Variants in TM7SF3 observed in about 807,000 individuals in gnomAD.
The protein encoded by TM7SF3 is seven span transmembrane protein.
A neutral mutation model predicts 65.5 loss-of-function variants in TM7SF3; 60 were observed. The ratio of observed to expected loss-of-function variants is 0.92; its 90% CI spans 0.74 to 1.14. The LOEUF is 1.14. Among genes scored for constraint, TM7SF3 ranks in the 50% most tolerant of loss-of-function variants. The pLI is 0.00. For missense variants in TM7SF3, 623 were observed against 684.8 expected (o/e 0.91, Z 1.01); for synonymous variants, 264 against 259.6 (o/e 1.02, Z -0.16).
Position 27,014,373 on chromosome 12 carries a change from C to A in TM7SF3, c.-205G>T, listed in dbSNP as rs757995721. On this transcript the variant is annotated 5_prime_UTR_variant, in exon 1 of 12. Coordinates refer to ENST00000343028, the MANE Select transcript of TM7SF3 (RefSeq NM_016551.3). ...TCCTAGCCCCAGCGAGAGGTTTCCTCTTCCGGCACCTGACCCCCAACGCGC... is the reference window on the plus strand; with the variant it reads ...TCCTAGCCCCAGCGAGAGGTTTCCTATTCCGGCACCTGACCCCCAACGCGC... 1.2e-5 allele frequency: 4 copies of A among 340,498 alleles called. No individual in the cohort carries two copies. Among genetic ancestry groups the A allele is most frequent in the African/African-American group, 4.3e-5 (2 of 46,264 alleles). 21.1% of individuals were successfully genotyped at this position (340,498 alleles called of 1,614,324 possible).
rs748392718 is a variant in TM7SF3, at chr12:26,979,881, A to G, written c.1092T>C (p.Ala364=). The change falls in exon 9 of 12, where the codon GCT becomes GCC. Residue 364 remains alanine, a synonymous_variant. Coordinates refer to ENST00000343028, the MANE Select transcript of TM7SF3 (RefSeq NM_016551.3). ...TGSVGGMFLV[A]VWWRFGILSI... is the part of the protein sequence containing the mutation. The stretch of plus-strand genomic sequence containing the variant: ...AGAGGATTCCAAATCGCCACCACAC[A>G]GCTACCAAGAACATTCCACCGACGC... The G allele has an allele frequency of 1.2e-6, 2 of 1,614,074 alleles. No homozygotes were observed. The highest frequency in any genetic ancestry group is 1.7e-6 in the Non-Finnish European group (2 of 1,180,024).
At chr12:27,010,198 T>C (rs1941193481) in intron 1 of TM7SF3, among the ~76,000 whole-genome samples, 2 of 152,230 alleles carry the variant, frequency 1.3e-5, no homozygotes, top group Admixed American at 1.3e-4. Context: ...GGGAAACAAC[T>C]TTTAAACTGC....
intron 1 of TM7SF3, among the ~76,000 whole-genome samples, chr12:27,007,394 T>C (rs1235611774): frequency 1.3e-5 from 2 of 152,156 alleles, no homozygotes; most frequent in Non-Finnish European, 2.9e-5. Flanking sequence ...GGGGTGTATT[T>C]TAAGTGATTT....
At chr12:26,999,473 G>A in intron 3 of TM7SF3, 53 bp downstream of exon 3, 1 of 1,561,248 alleles carries the variant, frequency 6.4e-7, no homozygotes, top group South Asian at 1.1e-5. Flanking sequence ...AAAGTTTCAT[G>A]AACACATTCC....
intron 5 of TM7SF3, among the ~76,000 whole-genome samples, chr12:26,992,218 T>TA (rs1266531159): frequency 6.6e-6 from 1 of 152,194 alleles, no homozygotes; most frequent in African/African-American, 2.4e-5. Flanking sequence ...TCAGAACACT[T>TA]ACATTAGATT....
intron 2 of TM7SF3, among the ~76,000 whole-genome samples, chr12:27,000,271 C>T (rs899174901): frequency 1.3e-5 from 2 of 152,134 alleles, no homozygotes; most frequent in African/African-American, 2.4e-5. Flanking sequence ...TCAGGAATAG[C>T]AGATGCACAG....
At chr12:26,977,522 G>A (rs1468484788) in intron 9 of TM7SF3, among the ~76,000 whole-genome samples, 2 of 152,148 alleles carry the variant, frequency 1.3e-5, no homozygotes, top group Non-Finnish European at 2.9e-5. Flanking sequence ...GGGAGGCCGA[G>A]GTGAACAGAT....
At chr12:27,000,883 TC>T (rs1940804625) in intron 2 of TM7SF3, among the ~76,000 whole-genome samples, 1 of 151,972 alleles carries the variant, frequency 6.6e-6, no homozygotes, top group South Asian at 2.1e-4. Flanking sequence ...CTCACACACT[TC>T]CTCTCTACCA....
chr12:26,987,042 C>T (rs1338809416), intron 6 of TM7SF3, among the ~76,000 whole-genome samples: 1 of 152,182 alleles, frequency 6.6e-6, no homozygotes, highest in Non-Finnish European at 1.5e-5. Flanking sequence ...GCTCAGTCCT[C>T]AGACCCCTCC....
At chr12:26,983,444 T>A in intron 6 of TM7SF3, 1 of 389,238 alleles carries the variant, frequency 2.6e-6, no homozygotes, top group South Asian at 1.8e-5. Context: ...ATTATGTTAA[T>A]GACACGGTGG....
rs10466809 is a variant in TM7SF3 at position 27,005,347 on chromosome 12, T to C, written c.92-1957A>G. On this transcript the variant is annotated intron_variant, in intron 1 of 11. Transcript: ENST00000343028. ...CTCATTTTCCCTATTTGGCAATATTTATAAGGTACTCATGGACTAGGCACT... is the reference window on the plus strand; with the variant it reads ...CTCATTTTCCCTATTTGGCAATATTCATAAGGTACTCATGGACTAGGCACT... 9.4e-3 allele frequency among the ~76,000 whole-genome samples: 1,432 copies of C among 152,308 alleles called. 27 individuals carry two copies. Among genetic ancestry groups the C allele is most frequent in the African/African-American group, 0.031 (1,298 of 41,552 alleles).
rs1939738610 is a variant in TM7SF3 at position 26,979,883 on chromosome 12, C to T, written c.1090G>A (p.Ala364Thr). Reference sequence around the variant, plus strand: ...AGGATTCCAAATCGCCACCACACAGCTACCAAGAACATTCCACCGACGCTT... The same window carrying T: ...AGGATTCCAAATCGCCACCACACAGTTACCAAGAACATTCCACCGACGCTT... ...TGSVGGMFLV[A>T]VWWRFGILSI... The change falls in exon 9 of 12, where the codon GCT becomes ACT. Residue 364 changes from alanine to threonine, a missense_variant. Physicochemically the swap from Ala to Thr is moderately conservative, Grantham distance 58. Coordinates refer to ENST00000343028, the MANE Select transcript of TM7SF3 (RefSeq NM_016551.3). 2 of 1,614,202 alleles carry T rather than the reference C, an allele frequency of 1.2e-6. No homozygotes were observed. Among genetic ancestry groups the T allele is most frequent in the Non-Finnish European group, 1.7e-6 (2 of 1,180,028 alleles).
chr12:26,999,517 A>G lies in TM7SF3; in HGVS notation c.397+9T>C. The G allele has an allele frequency of 1.2e-6, 2 of 1,613,786 alleles. No homozygotes were observed. The highest frequency in any genetic ancestry group is 1.7e-6 in the Non-Finnish European group (2 of 1,179,752). ...AAGAGTAAGAGGGAGGAGAAGACAG[A>G]AGGGTTACCTCTTTCTGAGTAGGAG... On this transcript the variant is annotated intron_variant, in intron 3 of 11. Transcript: ENST00000343028.
At chr12:26,975,836 C>G (rs2136373928) in intron 10 of TM7SF3, 178 bp from the exon 11 acceptor site, 1 of 614,326 alleles carries the variant, frequency 1.6e-6, no homozygotes, top group South Asian at 2.2e-5. Flanking sequence ...CAACCTTCAA[C>G]ATCCATATGA....
chr12:26,990,517 A>G lies in TM7SF3; in HGVS notation c.801T>C (p.Ala267=). 1 of 1,614,170 alleles carries G rather than the reference A, an allele frequency of 6.2e-7. No homozygotes were observed. Among genetic ancestry groups the G allele is most frequent in the Non-Finnish European group, 8.5e-7 (1 of 1,179,980 alleles). ...CGTATGTGTGAGCAGGAATGTAGGC[A>G]GCAGATGTATTTAGAAACGGGTCCC... is the stretch of plus-strand genomic sequence containing the variant. The part of the protein sequence containing the change: ...IVWDPFLNTS[A]AYIPAHTYAC... The change falls in exon 6 of 12, where the codon GCT becomes GCC. Residue 267 remains alanine (A), a synonymous_variant. Transcript: ENST00000343028.
intron 2 of TM7SF3, among the ~76,000 whole-genome samples, chr12:27,000,789 A>G (rs555186983): frequency 6.6e-6 from 1 of 152,242 alleles, no homozygotes; most frequent in African/African-American, 2.4e-5. Flanking sequence ...GTTGATATAC[A>G]GACACCTGTG....
chr12:26,991,431 C>T (rs1013994754), intron 5 of TM7SF3, among the ~76,000 whole-genome samples: 27 of 152,148 alleles, frequency 1.8e-4, no homozygotes, highest in African/African-American at 6.5e-4. Context: ...GGATTACAGG[C>T]GTGAGCCACC....
intron 1 of TM7SF3, among the ~76,000 whole-genome samples, chr12:27,006,145 T>TC (rs1286067487): frequency 2.0e-5 from 3 of 146,576 alleles, no homozygotes; most frequent in Non-Finnish European, 3.0e-5. Flanking sequence ...TTTTTCTTTT[T>TC]TTTTTTTTTT....
In TM7SF3 at chr12:26,979,902, G is replaced by C; in HGVS notation, c.1071C>G (p.Val357=). 1 of 1,614,098 alleles carries C rather than the reference G, an allele frequency of 6.2e-7. No individual in the cohort carries two copies. Among genetic ancestry groups the C allele is most frequent in the Non-Finnish European group, 8.5e-7 (1 of 1,180,010 alleles). Residue 357 remains valine (V), a synonymous_variant, in exon 9 of 12, where the codon GTC becomes GTG. Coordinates refer to ENST00000343028, the MANE Select transcript of TM7SF3 (RefSeq NM_016551.3). ...NLILTAVTGS[V]GGMFLVAVWW... ...ACACAGCTACCAAGAACATTCCACC[G>C]ACGCTTCCAGTGACAGCTGTCAGAA...
Sources: gnomAD v4.1 joint callset for allele counts (sites outside exome capture counted in the v4.1 genomes callset) on GRCh38, gnomAD v4.1.1 for gene constraint, MANE v1.5 for transcripts, NCBI Gene and HGNC (gene_info 2026-07-23, HGNC 2026-07-21) for gene names.